PCCA: variants seen among roughly 807,000 people sequenced by gnomAD.
The protein encoded by PCCA is propionyl-CoA carboxylase subunit alpha.
Under a neutral mutation model 101.3 loss-of-function variants are expected in PCCA, and 74 were observed. That is an observed-to-expected ratio of 0.73 (90% CI 0.61 to 0.89). The LOEUF (loss-of-function observed/expected upper bound fraction) is 0.89. Ranked by LOEUF, PCCA falls within the 40% of genes least tolerant of loss-of-function variation. PCCA has a pLI of 0.00. For missense variants in PCCA, 891 were observed against 907.0 expected, an observed-to-expected ratio of 0.98 and a Z score of 0.23; for synonymous variants, 294 against 313.6, an observed-to-expected ratio of 0.94 and a Z score of 0.66.
intron 1 of PCCA, among the ~76,000 whole-genome samples, chr13:100,090,704 C>G (rs989672358): frequency 6.6e-6 from 1 of 152,088 alleles, no homozygotes; most frequent in African/African-American, 2.4e-5. Flanking sequence ...TTGACCAAGC[C>G]AAGATTTTGA....
At chr13:100,136,190 T>G (rs1012015383) in intron 4 of PCCA, among the ~76,000 whole-genome samples, 2 of 148,526 alleles carry the variant, frequency 1.3e-5, no homozygotes, top group South Asian at 2.1e-4. Context: ...ATTGTTTTTT[T>G]TTTTTTTTTT....
At chr13:100,164,448 C>T (rs1296381534) in intron 6 of PCCA, among the ~76,000 whole-genome samples, 2 of 152,194 alleles carry the variant, frequency 1.3e-5, no homozygotes, top group African/African-American at 2.4e-5. Flanking sequence ...CTTAGGGTTA[C>T]AGCAGGCTGT....
chr13:100,351,439 C>T (rs1444718866), intron 18 of PCCA, among the ~76,000 whole-genome samples: 2 of 151,906 alleles, frequency 1.3e-5, no homozygotes, highest in African/African-American at 4.8e-5. Context: ...GCTTTTTTCT[C>T]TGTTCGTATA....
chr13:100,177,068 A>T (rs1217439332), intron 6 of PCCA, among the ~76,000 whole-genome samples: 3 of 152,220 alleles, frequency 2.0e-5, no homozygotes, highest in Non-Finnish European at 4.4e-5. Context: ...CTATCACTGC[A>T]TTGGGTGAAA....
At chr13:100,255,547 G>T (rs1368177670) in intron 8 of PCCA, among the ~76,000 whole-genome samples, 1 of 152,158 alleles carries the variant, frequency 6.6e-6, no homozygotes, top group Non-Finnish European at 1.5e-5. Flanking sequence ...TGGATAAATG[G>T]TTTGTGATGA....
chr13:100,260,273 A>G (rs1327028886), intron 9 of PCCA, among the ~76,000 whole-genome samples: 1 of 152,114 alleles, frequency 6.6e-6, no homozygotes, highest in Non-Finnish European at 1.5e-5. Context: ...GAGAAAACCT[A>G]ATACCTTTTC....
At chr13:100,238,397 CCTAAT>C (rs1456385524) in intron 8 of PCCA, among the ~76,000 whole-genome samples, 5 of 152,044 alleles carry the variant, frequency 3.3e-5, no homozygotes, top group East Asian at 1.9e-4. Context: ...ACTGAAGTTA[CCTAAT>C]CTAATCTAAG....
At chr13:100,405,154 T>G (rs940606055) in intron 19 of PCCA, among the ~76,000 whole-genome samples, 6 of 152,230 alleles carry the variant, frequency 3.9e-5, no homozygotes, top group Admixed American at 6.5e-5. Context: ...TGCTAGGATT[T>G]GGGTGCATGG....
At chr13:100,266,206 G>A (rs2152569334) in intron 10 of PCCA, among the ~76,000 whole-genome samples, 1 of 152,246 alleles carries the variant, frequency 6.6e-6, no homozygotes, top group Middle Eastern at 3.4e-3. Flanking sequence ...AGGCCATGAG[G>A]TCCTTAAGGG....
chr13:100,265,309 G>T (rs1179956828), intron 10 of PCCA, among the ~76,000 whole-genome samples: 1 of 152,092 alleles, frequency 6.6e-6, no homozygotes, highest in Non-Finnish European at 1.5e-5. Flanking sequence ...TTGATGTGAG[G>T]CAGGGTCAGA....
intron 21 of PCCA, among the ~76,000 whole-genome samples, chr13:100,452,603 C>T (rs1374506160): frequency 6.6e-6 from 1 of 152,134 alleles, no homozygotes. Context: ...GCTTACAGTT[C>T]TGGTCACTCT....
At chr13:100,324,761 T>G (rs1376235470) in intron 16 of PCCA, among the ~76,000 whole-genome samples, 1 of 152,214 alleles carries the variant, frequency 6.6e-6, no homozygotes, top group Non-Finnish European at 1.5e-5. Flanking sequence ...GCTATTGCAG[T>G]GAGTTCAAGT....
Position 100,465,255 on chromosome 13 carries a change from A to G in PCCA, c.1899+15950A>G, listed in dbSNP as rs539350476. Among the ~76,000 whole-genome samples the G allele has an allele frequency of 3.3e-5, 5 of 152,336 alleles. No homozygotes were observed. In the East Asian group the frequency reaches 7.7e-4, roughly 24 times the overall value. ...AATATATTTTGAACATTAATGTAGA[A>G]TTACTATCTAGTTTGGAAAGTCAAT... is the stretch of plus-strand genomic sequence containing the variant. On this transcript the variant is annotated intron_variant, in intron 21 of 23. Coordinates refer to ENST00000376285, the MANE Select transcript of PCCA (RefSeq NM_000282.4).
chr13:100,221,746 A>ATTTTTTTTTT (rs3034654), intron 7 of PCCA, among the ~76,000 whole-genome samples: 1 of 121,602 alleles, frequency 8.2e-6, no homozygotes, highest in Admixed American at 9.3e-5. Flanking sequence ...TCCCTGGGAA[A>ATTTTTTTTTT]TTTTTTTTTT....
intron 6 of PCCA, among the ~76,000 whole-genome samples, chr13:100,158,256 C>T (rs1205818294): frequency 6.6e-6 from 1 of 152,242 alleles, no homozygotes; most frequent in Non-Finnish European, 1.5e-5. Context: ...GAACCACTGT[C>T]ATACGTGTGG....
At chr13:100,184,810 A>C (rs1594600491) in intron 6 of PCCA, among the ~76,000 whole-genome samples, 1 of 152,242 alleles carries the variant, frequency 6.6e-6, no homozygotes, top group East Asian at 1.9e-4. Flanking sequence ...AACATAAAAA[A>C]CCTTTCTTAG....
In PCCA at chr13:100,440,613, T is replaced by C. The variant is rs139435295; in HGVS notation, c.1846-8639T>C. ...TGTACTTTGCTGGTACACAAATGAA[T>C]TGGGAAGTAATTGTCTTATGTTTTC... On this transcript the variant is annotated intron_variant, in intron 20 of 23. Coordinates refer to ENST00000376285, the MANE Select transcript of PCCA (RefSeq NM_000282.4). 7.1e-3 allele frequency among the ~76,000 whole-genome samples: 1,085 copies of C among 152,168 alleles called. 13 individuals carry two copies. The highest frequency in any genetic ancestry group is 0.024 in the African/African-American group (1,013 of 41,506).
At position 100,347,021 on chromosome 13, in the gene PCCA, A is replaced by G. The variant is rs1344167705; in HGVS notation, c.1643+6762A>G. 3.3e-5 allele frequency among the ~76,000 whole-genome samples: 5 copies of G among 152,002 alleles called. No homozygotes were observed. In the South Asian group the frequency reaches 8.3e-4, roughly 25 times the overall value. Reference sequence around the variant, plus strand: ...CCCAAGTAGCTGGGACTACAGGCACATGCCACCACACCCCACTAATTTTTT... The same window carrying G: ...CCCAAGTAGCTGGGACTACAGGCACGTGCCACCACACCCCACTAATTTTTT... On this transcript the variant is annotated intron_variant, in intron 18 of 23. Transcript: ENST00000376285.
intron 19 of PCCA, among the ~76,000 whole-genome samples, chr13:100,369,436 T>C (rs1181476956): frequency 6.6e-6 from 1 of 152,184 alleles, no homozygotes; most frequent in Non-Finnish European, 1.5e-5. Flanking sequence ...CGGCAGTTTC[T>C]TGATCTCAGT....
Sources: gnomAD v4.1 joint callset for allele counts (sites outside exome capture counted in the v4.1 genomes callset) on GRCh38, gnomAD v4.1.1 for gene constraint, MANE v1.5 for transcripts, NCBI Gene and HGNC (gene_info 2026-07-23, HGNC 2026-07-21) for gene names.